The following RBFOX1 variants were observed in gnomAD, a reference collection of about 807,000 sequenced individuals.
RBFOX1 encodes RNA binding fox-1 homolog 1.
In RBFOX1, 8 loss-of-function variants were observed where a neutral mutation model predicts 57.7. The ratio of observed to expected loss-of-function variants is 0.14; its 90% CI spans 0.08 to 0.25. RBFOX1 has a LOEUF of 0.25. Ranked by LOEUF, RBFOX1 falls within the 10% of genes least tolerant of loss-of-function variation. RBFOX1 has a pLI of 1.00. For missense variants in RBFOX1, 611 were observed against 548.5 expected (o/e 1.11, Z -1.14); for synonymous variants, 326 against 222.4 (o/e 1.47, Z -4.15).
intron 1 of RBFOX1, among the ~76,000 whole-genome samples, chr16:6,096,176 A>G (rs530838673): frequency 5.3e-5 from 8 of 152,280 alleles, no homozygotes; most frequent in African/African-American, 1.9e-4. Context: ...GTTATTTATA[A>G]CCTGATGGGG....
intron 4 of RBFOX1, among the ~76,000 whole-genome samples, chr16:7,511,996 T>C (rs1446849571): frequency 6.6e-6 from 1 of 152,194 alleles, no homozygotes; most frequent in Admixed American, 6.5e-5. Context: ...TGCTTGATGA[T>C]GTGGGGAACA....
intron 1 of RBFOX1, among the ~76,000 whole-genome samples, chr16:6,244,065 T>C (rs946011777): frequency 6.6e-6 from 1 of 152,228 alleles, no homozygotes; most frequent in African/African-American, 2.4e-5. Flanking sequence ...TAGGGAGTTG[T>C]ATTTCCATAT....
At chr16:6,069,831 G>A (rs914269818) in intron 1 of RBFOX1, among the ~76,000 whole-genome samples, 40 of 151,844 alleles carry the variant, frequency 2.6e-4, no homozygotes, top group African/African-American at 9.4e-4. Flanking sequence ...TACTAAAAAT[G>A]CAATAATTAG....
At chr16:6,938,175 A>AT (rs1377412408) in intron 3 of RBFOX1, among the ~76,000 whole-genome samples, 2 of 152,172 alleles carry the variant, frequency 1.3e-5, no homozygotes, top group East Asian at 3.8e-4. Context: ...AAATTTCTGG[A>AT]TTTACTTTCC....
intron 14 of RBFOX1, among the ~76,000 whole-genome samples, chr16:7,706,686 C>A (rs896700944): frequency 6.6e-6 from 1 of 152,196 alleles, no homozygotes; most frequent in Admixed American, 6.5e-5. Flanking sequence ...CTCTGCACTT[C>A]ATATCCTATT....
chr16:5,372,699 C>A (rs1395449218), intron 1 of RBFOX1, among the ~76,000 whole-genome samples: 1 of 152,176 alleles, frequency 6.6e-6, no homozygotes, highest in African/African-American at 2.4e-5. Context: ...TCTTCCAAGG[C>A]TGCTGTATAT....
chr16:6,486,082 C>CTTTTTTTT (rs71145234), intron 2 of RBFOX1, among the ~76,000 whole-genome samples: 26 of 62,964 alleles, frequency 4.1e-4, no homozygotes, highest in African/African-American at 7.7e-4. Flanking sequence ...CAGTAAAAGG[C>CTTTTTTTT]TTTTTTTTTT....
chr16:7,338,096 G>T (rs2096826950), intron 4 of RBFOX1, among the ~76,000 whole-genome samples: 1 of 152,150 alleles, frequency 6.6e-6, no homozygotes. Context: ...GGGTGTGCAG[G>T]TTTGTTACAT....
At chr16:7,545,550 T>A (rs1417833077) in intron 5 of RBFOX1, among the ~76,000 whole-genome samples, 1 of 152,116 alleles carries the variant, frequency 6.6e-6, no homozygotes, top group Non-Finnish European at 1.5e-5. Context: ...CTGTGCTATT[T>A]CTTAGAGCTT....
intron 3 of RBFOX1, among the ~76,000 whole-genome samples, chr16:5,655,916 C>G (rs1005667548): frequency 6.6e-6 from 1 of 152,176 alleles, no homozygotes; most frequent in African/African-American, 2.4e-5. Context: ...AGGTAGATCT[C>G]CTGCATGTCT....
At chr16:6,366,208 A>T (rs1254582927) in intron 2 of RBFOX1, among the ~76,000 whole-genome samples, 2 of 152,024 alleles carry the variant, frequency 1.3e-5, no homozygotes, top group East Asian at 3.9e-4. Flanking sequence ...ATTCTGGAAG[A>T]TGCATCTTGC....
intron 1 of RBFOX1, among the ~76,000 whole-genome samples, chr16:6,072,317 G>T (rs1264471280): frequency 6.6e-6 from 1 of 152,140 alleles, no homozygotes; most frequent in Non-Finnish European, 1.5e-5. Flanking sequence ...AAATTTAGGT[G>T]GGGACACAGC....
intron 3 of RBFOX1, among the ~76,000 whole-genome samples, chr16:6,800,863 GT>G (rs1453403168): frequency 6.6e-6 from 1 of 152,002 alleles, no homozygotes; most frequent in Non-Finnish European, 1.5e-5. Context: ...TCTTCTGGTT[GT>G]TTTTCTATGT....
chr16:5,781,012 G>C (rs1047389022), intron 3 of RBFOX1, among the ~76,000 whole-genome samples: 3 of 152,202 alleles, frequency 2.0e-5, no homozygotes, highest in Non-Finnish European at 4.4e-5. Context: ...TGATAAAACA[G>C]GTTAGAACCA....
chr16:5,637,216 AAAGTAGGCTTTCAAGCAGCCTCC>A (rs2048710662), intron 3 of RBFOX1, among the ~76,000 whole-genome samples: 1 of 152,214 alleles, frequency 6.6e-6, no homozygotes, highest in African/African-American at 2.4e-5. Flanking sequence ...AAATCAGCCT[AAAGTAGGCTTTCAAGCAGCCTCC>A]AACAATTAGG....
chr16:6,388,835 C>T (rs1203797940), intron 2 of RBFOX1, among the ~76,000 whole-genome samples: 1 of 152,194 alleles, frequency 6.6e-6, no homozygotes, highest in African/African-American at 2.4e-5. Context: ...CAGGCACAAA[C>T]ATACAAATAC....
At chr16:5,835,859 C>G (rs1381887625) in intron 3 of RBFOX1, among the ~76,000 whole-genome samples, 1 of 152,172 alleles carries the variant, frequency 6.6e-6, no homozygotes, top group Non-Finnish European at 1.5e-5. Flanking sequence ...CACAGGCCTC[C>G]CATCCCTCCC....
intron 4 of RBFOX1, among the ~76,000 whole-genome samples, chr16:5,977,973 C>T (rs2060099081): frequency 6.6e-6 from 1 of 151,760 alleles, no homozygotes; most frequent in South Asian, 2.1e-4. Flanking sequence ...TCAATTCCCA[C>T]TTTGTGTGTG....
At chr16:6,449,369 G>T (rs1172314764) in intron 2 of RBFOX1, among the ~76,000 whole-genome samples, 2 of 152,224 alleles carry the variant, frequency 1.3e-5, no homozygotes, top group Non-Finnish European at 2.9e-5. Context: ...TATGTTGCAG[G>T]AATTGCAGTG....
Sources: gnomAD v4.1 joint callset for allele counts (sites outside exome capture counted in the v4.1 genomes callset) on GRCh38, gnomAD v4.1.1 for gene constraint, MANE v1.5 for transcripts, NCBI Gene and HGNC (gene_info 2026-07-23, HGNC 2026-07-21) for gene names.